UBR2: variants seen among roughly 807,000 people sequenced by gnomAD.
UBR2 encodes E3 ubiquitin-protein ligase UBR2.
In UBR2, 92 loss-of-function variants were observed where a neutral mutation model predicts 247.9. That is an observed-to-expected ratio of 0.37 (90% CI 0.31 to 0.44). UBR2 has a LOEUF of 0.44. UBR2 is among the 20% of genes least tolerant of loss of function. The pLI is 1.00. For synonymous variants in UBR2, 672 were observed against 693.5 expected, an observed-to-expected ratio of 0.97 and a Z score of 0.49; for missense variants, 1,613 against 2,112.6, an observed-to-expected ratio of 0.76 and a Z score of 4.64.
At chr6:42,588,435 C>T (rs576022267) in intron 2 of UBR2, among the ~76,000 whole-genome samples, 10 of 152,210 alleles carry the variant, frequency 6.6e-5, no homozygotes, top group East Asian at 1.9e-4. Context: ...TTTGGAAGAC[C>T]GAGGTAGGAG....
At chr6:42,611,200 C>T (rs962009823) in intron 7 of UBR2, among the ~76,000 whole-genome samples, 23 of 150,260 alleles carry the variant, frequency 1.5e-4, no homozygotes, top group African/African-American at 5.4e-4. Context: ...CGGTGGCTCA[C>T]GCCTGTAATC....
intron 11 of UBR2, among the ~76,000 whole-genome samples, chr6:42,632,022 T>G (rs1210429838): frequency 7.0e-6 from 1 of 142,118 alleles, no homozygotes; most frequent in Non-Finnish European, 1.5e-5. Flanking sequence ...GACTCCCTGT[T>G]GCATTTAGTA....
chr6:42,636,621 T>G (rs1796112968), intron 14 of UBR2, among the ~76,000 whole-genome samples: 1 of 152,122 alleles, frequency 6.6e-6, no homozygotes, highest in South Asian at 2.1e-4. Context: ...TTGCTCTGTA[T>G]GGAGAATGGA....
intron 5 of UBR2, among the ~76,000 whole-genome samples, chr6:42,604,627 T>C (rs1372320908): frequency 3.9e-5 from 6 of 152,184 alleles, no homozygotes; most frequent in African/African-American, 1.2e-4. Context: ...GTGTACACTC[T>C]TGCCCCGTAC....
intron 2 of UBR2, among the ~76,000 whole-genome samples, chr6:42,581,150 A>T (rs1207168236): frequency 6.6e-6 from 1 of 150,630 alleles, no homozygotes; most frequent in African/African-American, 2.4e-5. Context: ...AATAGCTAGG[A>T]TCACATGTGT....
chr6:42,685,468 ATTT>A (rs35244800), intron 44 of UBR2, among the ~76,000 whole-genome samples: 1 of 144,862 alleles, frequency 6.9e-6, no homozygotes, highest in African/African-American at 2.6e-5. Flanking sequence ...GCCCTTAGTA[ATTT>A]TTTTTTTTTT....
At chr6:42,655,452 C>CAAAAAAAAAAAAA (rs200885359) in intron 25 of UBR2, among the ~76,000 whole-genome samples, 169 bp from the exon 26 acceptor site, 1 of 84,876 alleles carries the variant, frequency 1.2e-5, no homozygotes, top group Non-Finnish European at 2.4e-5. Flanking sequence ...AACTCCATCT[C>CAAAAAAAAAAAAA]AAAAAAAAAA....
chr6:42,682,131 C>G (rs1799093515), intron 42 of UBR2, among the ~76,000 whole-genome samples: 1 of 152,114 alleles, frequency 6.6e-6, no homozygotes, highest in Non-Finnish European at 1.5e-5. Flanking sequence ...ACCTTGAGGA[C>G]GTGTGCTAAG....
At chr6:42,673,006 C>G (rs987352329) in intron 36 of UBR2, among the ~76,000 whole-genome samples, 1 of 152,194 alleles carries the variant, frequency 6.6e-6, no homozygotes, top group Non-Finnish European at 1.5e-5. Flanking sequence ...CCATCTTTTT[C>G]CATTAGCATA....
At chr6:42,615,007 C>T in intron 8 of UBR2, 64 bp from the exon 9 acceptor site, 1 of 1,404,750 alleles carries the variant, frequency 7.1e-7, no homozygotes, top group Non-Finnish European at 9.9e-7. Flanking sequence ...TGAACATCTA[C>T]TAAAATGTCA....
At chr6:42,675,647 A>G (rs1024938428) in intron 38 of UBR2, among the ~76,000 whole-genome samples, 5 of 152,200 alleles carry the variant, frequency 3.3e-5, no homozygotes, top group African/African-American at 1.2e-4. Flanking sequence ...AGCTGAACTC[A>G]GGAGGGATCA....
intron 44 of UBR2, among the ~76,000 whole-genome samples, chr6:42,687,163 A>G (rs1362320854): frequency 1.3e-5 from 2 of 152,194 alleles, no homozygotes; most frequent in Non-Finnish European, 2.9e-5. Context: ...TAGCGAGCCG[A>G]GATCGCGCCA....
intron 14 of UBR2, 37 bp from the exon 15 acceptor site, chr6:42,636,974 C>T (rs748129402): frequency 5.0e-6 from 8 of 1,585,558 alleles, no homozygotes; most frequent in South Asian, 3.4e-5. Flanking sequence ...AAAAACTCAA[C>T]CTTTTGAGTA....
intron 2 of UBR2, among the ~76,000 whole-genome samples, chr6:42,576,799 G>GC (rs1422532224): frequency 6.6e-6 from 1 of 152,086 alleles, no homozygotes; most frequent in Non-Finnish European, 1.5e-5. Context: ...GGGATTAAAG[G>GC]CCTGAGCCAC....
intron 8 of UBR2, among the ~76,000 whole-genome samples, chr6:42,614,439 CGTACATAT>C (rs1794405186): frequency 7.6e-5 from 7 of 92,060 alleles, no homozygotes; most frequent in Admixed American, 2.2e-4. Flanking sequence ...TATGTATGTA[CGTACATAT>C]ATATGTATGG....
At chr6:42,661,680 G>A (rs2151975759) in intron 30 of UBR2, among the ~76,000 whole-genome samples, 1 of 152,020 alleles carries the variant, frequency 6.6e-6, no homozygotes, top group East Asian at 1.9e-4. Context: ...TAGATTTTTT[G>A]TTGTCACTTT....
At chr6:42,625,798 C>T (rs1436342563) in intron 11 of UBR2, among the ~76,000 whole-genome samples, 1 of 150,530 alleles carries the variant, frequency 6.6e-6, no homozygotes, top group East Asian at 2.0e-4. Context: ...CCTTTAGTTG[C>T]GTTGATTTAT....
At chr6:42,567,985 T>C (rs1790883246) in intron 1 of UBR2, among the ~76,000 whole-genome samples, 1 of 152,178 alleles carries the variant, frequency 6.6e-6, no homozygotes, top group South Asian at 2.1e-4. Context: ...TGTTAGAAGT[T>C]ACAGTGAGCT....
At chr6:42,601,138 G>A (rs146347600) in intron 4 of UBR2, among the ~76,000 whole-genome samples, 16 of 152,186 alleles carry the variant, frequency 1.1e-4, no homozygotes, top group African/African-American at 3.1e-4. Context: ...ATCCTTAAAT[G>A]TTTTTGTCTT....
Sources: allele counts gnomAD v4.1 joint callset (sites outside exome capture counted in the v4.1 genomes callset), GRCh38; gene constraint gnomAD v4.1.1; transcripts MANE v1.5; gene names NCBI Gene and HGNC (gene_info 2026-07-23, HGNC 2026-07-21).